NTNG2: variants seen among roughly 807,000 people sequenced by gnomAD.
The protein encoded by NTNG2 is netrin G2, also known as netrin-G2.
Under a neutral mutation model 47.6 loss-of-function variants are expected in NTNG2, and 15 were observed. That is an observed-to-expected ratio of 0.32 (90% CI 0.21 to 0.49). NTNG2 has a LOEUF of 0.49. Ranked by LOEUF, NTNG2 falls within the 20% of genes least tolerant of loss-of-function variation. The pLI, the probability that NTNG2 is intolerant of heterozygous loss-of-function variation, is 0.99. For synonymous variants in NTNG2, 307 were observed against 324.6 expected (o/e 0.95, Z 0.58); for missense variants, 578 against 764.6 (o/e 0.76, Z 2.88).
Position 132,236,368 on chromosome 9 carries a change from T to C in NTNG2, c.1055-2736T>C, listed in dbSNP as rs1209299011. Reference sequence around the variant, plus strand: ...GAGACACAGGGCTCATCTGTAGCCATAGACAGACATGCCAAGGAAACGCGC... The same window carrying C: ...GAGACACAGGGCTCATCTGTAGCCACAGACAGACATGCCAAGGAAACGCGC... On this transcript the variant is annotated intron_variant, in intron 5 of 7. Coordinates refer to ENST00000393229, the MANE Select transcript of NTNG2 (RefSeq NM_032536.4). This position sits in a 1 kb window ranked among gnomAD's most constrained non-coding sequence, Gnocchi z 4.3. 6.6e-6 allele frequency among the ~76,000 whole-genome samples: 1 copy of C among 152,098 alleles called. No individual in the cohort carries two copies. Among genetic ancestry groups the C allele is most frequent in the Non-Finnish European group, 1.5e-5 (1 of 68,006 alleles).
intron 3 of NTNG2, among the ~76,000 whole-genome samples, chr9:132,220,883 C>G (rs1006156150): frequency 3.3e-5 from 5 of 152,000 alleles, no homozygotes; most frequent in African/African-American, 1.2e-4. Flanking sequence ...ATTTGTTTAC[C>G]TAATAATTTC....
Position 132,232,238 on chromosome 9 carries a change from G to C in NTNG2, c.1054+1643G>C, listed in dbSNP as rs964321320. 5 of 152,700 alleles carry C rather than the reference G, an allele frequency of 3.3e-5. No individual in the cohort carries two copies. In the East Asian group the frequency reaches 9.6e-4, roughly 29 times the overall value. 9.5% of individuals were successfully genotyped at this position (152,700 alleles called of 1,614,324 possible). A position where few individuals can be genotyped will look rare whatever the true frequency, so the allele number is the denominator to read the frequency against. On this transcript the variant is annotated intron_variant, in intron 5 of 7. Transcript: ENST00000393229. ...CACCCTGTCCCCACCTGGCCCCCAG[G>C]GCCTCTCTGTCCTTAGCCCCTCAGC...
chr9:132,174,292 C>G (rs533631473), intron 2 of NTNG2, among the ~76,000 whole-genome samples: 1 of 133,990 alleles, frequency 7.5e-6, no homozygotes, highest in Non-Finnish European at 1.5e-5. Flanking sequence ...ACAGGCAGGC[C>G]GCACCATGCT....
chr9:132,240,806 T>A lies in NTNG2; in HGVS notation c.1223-104T>A, dbSNP rs772822182. On this transcript the variant is annotated intron_variant, in intron 6 of 7. Transcript: ENST00000393229. ...TGGACCCAGTGTGGGGAGCATCCCC[T>A]GGGGAGTGTGGAGATGCTCCCTGCG... 7.1e-5 allele frequency: 109 copies of A among 1,533,144 alleles called. 1 individual carries two copies. Among genetic ancestry groups the A allele is most frequent in the Non-Finnish European group, 9.2e-5 (103 of 1,125,226 alleles). 95.0% of individuals were successfully genotyped at this position (1,533,144 alleles called of 1,614,324 possible).
At chr9:132,165,860 AT>A (rs1345591269) in intron 1 of NTNG2, among the ~76,000 whole-genome samples, 1 of 152,264 alleles carries the variant, frequency 6.6e-6, no homozygotes, top group Non-Finnish European at 1.5e-5. Flanking sequence ...TCTGATATTA[AT>A]AAAAATAACC....
chr9:132,242,038 G>C lies in NTNG2; in HGVS notation c.1520G>C (p.Gly507Ala). The C allele has an allele frequency of 7.8e-7, 1 of 1,286,386 alleles. No homozygotes were observed. The highest frequency in any genetic ancestry group is 9.8e-7 in the Non-Finnish European group (1 of 1,021,008). The allele number at this position is 1,286,386 out of a possible 1,614,324, so 79.7% of individuals were successfully genotyped here. Residue 507 changes from glycine to alanine, a missense_variant, in exon 8 of 8, where the codon GGG becomes GCG. By Grantham distance (60) the Gly-to-Ala change is moderately conservative. Transcript: ENST00000393229. This position sits in a 1 kb window ranked among gnomAD's most constrained non-coding sequence, Gnocchi z 5.9. The stretch of plus-strand genomic sequence containing the variant: ...GGTCTGGACTGCGACCGCGCGCCCG[G>C]GGCCGCCCCGCGCCCCGCCACCCTG... ...DGGLDCDRAP[G>A]AAPRPATLLG...
chr9:132,183,216 C>T (rs1837084141), intron 2 of NTNG2, among the ~76,000 whole-genome samples: 1 of 152,152 alleles, frequency 6.6e-6, no homozygotes, highest in South Asian at 2.1e-4. Context: ...CACTTAAGCC[C>T]TCACACTTTG....
At position 132,225,284 on chromosome 9, in the gene NTNG2, T is replaced by G. The variant is rs192446091; in HGVS notation, c.858-1565T>G. ...TTTTTGTTTTGTTTTGTTTTGTTTT[T>G]TTTGGAGACAGAGTCTTGCTCTGTC... is the stretch of plus-strand genomic sequence containing the variant. On this transcript the variant is annotated intron_variant, in intron 3 of 7. Coordinates refer to ENST00000393229, the MANE Select transcript of NTNG2 (RefSeq NM_032536.4). Among the ~76,000 whole-genome samples, 209 of 147,184 alleles carry G rather than the reference T, an allele frequency of 1.4e-3. 2 individuals carry two copies. Among genetic ancestry groups the G allele is most frequent in the African/African-American group, 3.8e-3 (151 of 39,682 alleles).
rs1177821281 is a variant in NTNG2, at chr9:132,216,414, CTGTGTGTG to C, written c.858-10429_858-10422del. ...TCTCTCTCTCTCTCTCTCTCTCTCT[CTGTGTGTG>C]TGTGTATGTGTGTGTGTGTGTGTGT... On this transcript the variant is annotated intron_variant, in intron 3 of 7. Coordinates refer to ENST00000393229, the MANE Select transcript of NTNG2 (RefSeq NM_032536.4). Among the ~76,000 whole-genome samples the C allele has an allele frequency of 8.8e-4, 97 of 110,314 alleles. 1 individual carries two copies. Among genetic ancestry groups the C allele is most frequent in the South Asian group, 3.3e-3 (11 of 3,360 alleles). 72.4% of individuals were successfully genotyped at this position (110,314 alleles called of 152,430 possible). A position where few individuals can be genotyped will look rare whatever the true frequency, so the allele number is the denominator to read the frequency against.
chr9:132,202,683 C>T (rs142697386), intron 3 of NTNG2, among the ~76,000 whole-genome samples: 1 of 152,288 alleles, frequency 6.6e-6, no homozygotes, highest in African/African-American at 2.4e-5. Flanking sequence ...GGGCCTCCGC[C>T]CCCACCCTCC....
intron 2 of NTNG2, among the ~76,000 whole-genome samples, chr9:132,195,348 G>T (rs1011557816): frequency 6.6e-6 from 1 of 151,972 alleles, no homozygotes; most frequent in African/African-American, 2.4e-5. Flanking sequence ...TCGCTCTGTC[G>T]CCCAGGCTGG....
At chr9:132,175,735 G>C (rs1836387866) in intron 2 of NTNG2, among the ~76,000 whole-genome samples, 1 of 152,204 alleles carries the variant, frequency 6.6e-6, no homozygotes. Context: ...ATGCCACCGG[G>C]AGTCAGAGTG....
rs1177821281 is a variant in NTNG2, at chr9:132,216,414, CTGTGTG to C, written c.858-10427_858-10422del. Among the ~76,000 whole-genome samples, 142 of 110,304 alleles carry C rather than the reference CTGTGTG, an allele frequency of 1.3e-3. 3 individuals are homozygous for C. The highest frequency in any genetic ancestry group is 4.4e-3 in the African/African-American group (91 of 20,524). 72.4% of individuals were successfully genotyped at this position (110,304 alleles called of 152,430 possible). A position where few individuals can be genotyped will look rare whatever the true frequency, so the allele number is the denominator to read the frequency against. On this transcript the variant is annotated intron_variant, in intron 3 of 7. Transcript: ENST00000393229. ...TCTCTCTCTCTCTCTCTCTCTCTCT[CTGTGTG>C]TGTGTGTATGTGTGTGTGTGTGTGT...
intron 3 of NTNG2, among the ~76,000 whole-genome samples, chr9:132,210,202 C>G (rs1364626040): frequency 4.6e-5 from 7 of 152,098 alleles, no homozygotes; most frequent in Admixed American, 6.5e-5. Flanking sequence ...TCCATTTGCT[C>G]TTTTCTGGCA....
In NTNG2 at chr9:132,197,399, T is replaced by G. The variant is rs541789583; in HGVS notation, c.214-567T>G. Among the ~76,000 whole-genome samples, 1 of 151,904 alleles carries G rather than the reference T, an allele frequency of 6.6e-6. No homozygotes were observed. Among genetic ancestry groups the G allele is most frequent in the Non-Finnish European group, 1.5e-5 (1 of 67,940 alleles). On this transcript the variant is annotated intron_variant, in intron 2 of 7. Transcript: ENST00000393229. The surrounding 1 kb of genome is among the most constrained non-coding windows in gnomAD (Gnocchi z 4.3). ...GCAAGACTCCATCTCAATAAAAAAA[T>G]AAAATTAAAATTAAAAAATAAAAGG... is the stretch of plus-strand genomic sequence containing the variant.
chr9:132,190,276 A>G (rs1215990931), intron 2 of NTNG2, among the ~76,000 whole-genome samples: 1 of 144,914 alleles, frequency 6.9e-6, no homozygotes, highest in Non-Finnish European at 1.5e-5. Flanking sequence ...GTTTTAGGGT[A>G]GCATGTCCTG....
chr9:132,181,314 C>T (rs1306709459), intron 2 of NTNG2, among the ~76,000 whole-genome samples: 2 of 143,892 alleles, frequency 1.4e-5, no homozygotes, highest in Non-Finnish European at 3.0e-5. Context: ...AACTCCTGGG[C>T]TCACTTTCTT....
chr9:132,231,406 T>G lies in NTNG2; in HGVS notation c.1054+811T>G, dbSNP rs1841211536. On this transcript the variant is annotated intron_variant, in intron 5 of 7. Coordinates refer to ENST00000393229, the MANE Select transcript of NTNG2 (RefSeq NM_032536.4). This position sits in a 1 kb window ranked among gnomAD's most constrained non-coding sequence, Gnocchi z 4.1. ...AGCAGACCCCAAATCTCAGAGATGC[T>G]TCTGGGGTGCACCGTCACCCTCCAC... 1 of 451,342 alleles carries G rather than the reference T, an allele frequency of 2.2e-6. No homozygotes were observed. The highest frequency in any genetic ancestry group is 2.4e-5 in the Admixed American group (1 of 42,070). The allele number at this position is 451,342 out of a possible 1,614,324, so 28.0% of individuals were successfully genotyped here.
intron 2 of NTNG2, among the ~76,000 whole-genome samples, chr9:132,192,235 G>A (rs1837951590): frequency 6.6e-6 from 1 of 152,184 alleles, no homozygotes; most frequent in Non-Finnish European, 1.5e-5. Flanking sequence ...GGGGACTGGG[G>A]TGGGGGGACT....
Sources: gnomAD v4.1 joint callset for allele counts (sites outside exome capture counted in the v4.1 genomes callset) on GRCh38, gnomAD v4.1.1 for gene constraint, Gnocchi (gnomAD v3.1) non-coding constraint, MANE v1.5 for transcripts, NCBI Gene and HGNC (gene_info 2026-07-23, HGNC 2026-07-21) for gene names.